Variants in RNF180 observed in about 807,000 individuals in gnomAD.
The protein encoded by RNF180 is E3 ubiquitin-protein ligase RNF180.
A neutral mutation model predicts 59.2 loss-of-function variants in RNF180; 38 were observed. The ratio of observed to expected loss-of-function variants is 0.64; its 90% CI spans 0.50 to 0.84. The LOEUF is 0.84. RNF180 is among the 40% of genes least tolerant of loss of function. The probability of loss-of-function intolerance (pLI) is 0.00; values close to 1 mark genes in which losing one functional copy is unlikely to be tolerated. For missense variants in RNF180, 705 were observed against 700.9 expected (o/e 1.01, Z -0.07); for synonymous variants, 262 against 240.3 (o/e 1.09, Z -0.84).
chr5:64,207,536 A>G (rs1463221848), intron 2 of RNF180, among the ~76,000 whole-genome samples: 1 of 152,190 alleles, frequency 6.6e-6, no homozygotes, highest in African/African-American at 2.4e-5. Flanking sequence ...TTGTAAGTCA[A>G]AGACTTTGAT....
intron 1 of RNF180, among the ~76,000 whole-genome samples, chr5:64,187,254 G>A (rs1352115474): frequency 6.6e-6 from 1 of 152,168 alleles, no homozygotes; most frequent in Non-Finnish European, 1.5e-5. Flanking sequence ...GACAGGATAT[G>A]AAGTACTGGT....
chr5:64,179,359 C>A (rs773367046), intron 1 of RNF180, among the ~76,000 whole-genome samples: 3 of 151,874 alleles, frequency 2.0e-5, no homozygotes, highest in African/African-American at 7.3e-5. Flanking sequence ...AAATTTAAGC[C>A]CCCTTTGGTT....
intron 5 of RNF180, among the ~76,000 whole-genome samples, chr5:64,296,780 G>A (rs1742905191): frequency 6.6e-6 from 1 of 152,116 alleles, no homozygotes; most frequent in African/African-American, 2.4e-5. Flanking sequence ...ATGCATAGTT[G>A]GAGCTTCTGC....
At chr5:64,257,090 A>G (rs1370304445) in intron 5 of RNF180, among the ~76,000 whole-genome samples, 1 of 152,192 alleles carries the variant, frequency 6.6e-6, no homozygotes, top group East Asian at 1.9e-4. Flanking sequence ...TATCAGCTTA[A>G]GGAGATTTTG....
chr5:64,263,732 C>G (rs746331275), intron 5 of RNF180, among the ~76,000 whole-genome samples: 70 of 152,040 alleles, frequency 4.6e-4, no homozygotes, highest in Non-Finnish European at 4.1e-4. Flanking sequence ...TTGATGAAGT[C>G]TTGTGAACCC....
intron 5 of RNF180, among the ~76,000 whole-genome samples, chr5:64,224,117 A>G (rs1018977907): frequency 2.0e-5 from 3 of 151,396 alleles, no homozygotes; most frequent in African/African-American, 7.3e-5. Flanking sequence ...ATACATATTT[A>G]TATCTCAAGT....
intron 7 of RNF180, among the ~76,000 whole-genome samples, chr5:64,342,100 C>G (rs145160827): frequency 6.6e-6 from 1 of 152,086 alleles, no homozygotes; most frequent in Admixed American, 6.6e-5. Context: ...AAGTATATTA[C>G]TTCTGGCAAC....
chr5:64,321,199 G>A (rs1044305372), intron 5 of RNF180, among the ~76,000 whole-genome samples: 3 of 152,066 alleles, frequency 2.0e-5, no homozygotes, highest in African/African-American at 7.2e-5. Context: ...AAAAAGGGTG[G>A]GGGGTATGCA....
intron 5 of RNF180, among the ~76,000 whole-genome samples, chr5:64,229,009 C>T (rs770289129): frequency 2.7e-5 from 4 of 149,058 alleles, no homozygotes; most frequent in African/African-American, 1.0e-4. Context: ...GCAACTTCTG[C>T]CTCCTTAGCT....
intron 5 of RNF180, among the ~76,000 whole-genome samples, chr5:64,270,405 C>A (rs1191176921): frequency 6.6e-6 from 1 of 152,180 alleles, no homozygotes; most frequent in Non-Finnish European, 1.5e-5. Context: ...AATAAGCAAA[C>A]CACTGCAAAA....
intron 5 of RNF180, among the ~76,000 whole-genome samples, chr5:64,226,699 AAGCCACATTTGT>A (rs1741783526): frequency 6.6e-6 from 1 of 152,188 alleles, no homozygotes; most frequent in South Asian, 2.1e-4. Context: ...TTGTTGTTTT[AAGCCACATTTGT>A]GATATTTTGC....
chr5:64,320,227 C>T (rs1213571617), intron 5 of RNF180, among the ~76,000 whole-genome samples: 2 of 152,084 alleles, frequency 1.3e-5, no homozygotes, highest in Admixed American at 6.5e-5. Flanking sequence ...TTGATCCTGC[C>T]CTTCCACTTC....
At chr5:64,350,585 A>G (rs1745759687) in intron 7 of RNF180, among the ~76,000 whole-genome samples, 1 of 152,122 alleles carries the variant, frequency 6.6e-6, no homozygotes, top group Non-Finnish European at 1.5e-5. Flanking sequence ...GAATTTTTGT[A>G]TAAGGTATAA....
intron 5 of RNF180, among the ~76,000 whole-genome samples, chr5:64,235,264 C>G (rs1209999689): frequency 1.3e-5 from 2 of 152,202 alleles, no homozygotes; most frequent in Non-Finnish European, 2.9e-5. Context: ...GCCTGAGCAA[C>G]TGGGCAAGAC....
At chr5:64,190,008 C>G (rs1270928293) in intron 1 of RNF180, among the ~76,000 whole-genome samples, 3 of 152,182 alleles carry the variant, frequency 2.0e-5, no homozygotes, top group African/African-American at 7.2e-5. Flanking sequence ...CACAGACTCA[C>G]AGGGCTAAGG....
At position 64,370,351 on chromosome 5, in the gene RNF180, A is replaced by G. The variant is rs764826039; in HGVS notation, c.*537A>G. 1.3e-5 allele frequency: 2 copies of G among 151,866 alleles called. No individual in the cohort carries two copies. Among genetic ancestry groups the G allele is most frequent in the Non-Finnish European group, 2.9e-5 (2 of 67,900 alleles). The allele number at this position is 151,866 out of a possible 1,614,324, so 9.4% of individuals were successfully genotyped here. A position where few individuals can be genotyped will look rare whatever the true frequency, so the allele number is the denominator to read the frequency against. The stretch of plus-strand genomic sequence containing the variant: ...CTTTCTAGTACCAAGAAAACTGACT[A>G]TTCTTTTTGTACAGATCTAATTAGT... On this transcript the variant is annotated 3_prime_UTR_variant, in exon 8 of 8. Coordinates refer to ENST00000389100, the MANE Select transcript of RNF180 (RefSeq NM_001113561.2).
chr5:64,221,367 A>G (rs1356381440), intron 5 of RNF180, among the ~76,000 whole-genome samples: 1 of 152,138 alleles, frequency 6.6e-6, no homozygotes, highest in Non-Finnish European at 1.5e-5. Context: ...AGTAAAGAAG[A>G]CAATCAATAG....
rs751050749 is a variant in RNF180, at chr5:64,181,706, C to G, written c.-1+15753C>G. Among the ~76,000 whole-genome samples the G allele has an allele frequency of 3.8e-4, 58 of 152,148 alleles. 3 individuals carry two copies. Among genetic ancestry groups the G allele is most frequent in the South Asian group, 2.1e-4 (1 of 4,832 alleles). ...AAGTCTGGGCAGATCTCTCTGTAAT[C>G]TCGCTGTGTGTACGAAGAAAAATAA... On this transcript the variant is annotated intron_variant, in intron 1 of 7. Coordinates refer to ENST00000389100, the MANE Select transcript of RNF180 (RefSeq NM_001113561.2).
intron 5 of RNF180, among the ~76,000 whole-genome samples, chr5:64,272,783 C>A (rs900790552): frequency 6.6e-6 from 1 of 151,680 alleles, no homozygotes; most frequent in Non-Finnish European, 1.5e-5. Context: ...AAGGATAATA[C>A]CTAGGGTACT....
Sources: allele counts gnomAD v4.1 joint callset (sites outside exome capture counted in the v4.1 genomes callset), GRCh38; gene constraint gnomAD v4.1.1; transcripts MANE v1.5; gene names NCBI Gene and HGNC (gene_info 2026-07-23, HGNC 2026-07-21).